ANKRD55: variants seen among roughly 807,000 people sequenced by gnomAD.
ANKRD55 encodes ankyrin repeat domain-containing protein 55.
Under a neutral mutation model 60.6 loss-of-function variants are expected in ANKRD55, and 41 were observed. The ratio of observed to expected loss-of-function variants is 0.68; its 90% CI spans 0.53 to 0.88. The LOEUF is 0.88. Ranked by LOEUF, ANKRD55 falls within the 40% of genes least tolerant of loss-of-function variation. ANKRD55 has a pLI of 0.00. For synonymous variants in ANKRD55, 264 were observed against 290.3 expected (o/e 0.91, Z 0.92); for missense variants, 732 against 767.6 (o/e 0.95, Z 0.55).
chr5:56,217,252 A>T (rs1759835163), intron 2 of ANKRD55, among the ~76,000 whole-genome samples: 1 of 152,244 alleles, frequency 6.6e-6, no homozygotes, highest in African/African-American at 2.4e-5. Context: ...GGTCAGAAAG[A>T]AAAGTTCCTT....
intron 2 of ANKRD55, among the ~76,000 whole-genome samples, chr5:56,184,995 C>T (rs1364945623): frequency 1.2e-4 from 18 of 151,382 alleles, no homozygotes; most frequent in African/African-American, 3.2e-4. Flanking sequence ...CCGAGGCGGG[C>T]GGATCACTTG....
At chr5:56,102,196 GGC>G (rs1756301783) in intron 11 of ANKRD55, among the ~76,000 whole-genome samples, 1 of 151,946 alleles carries the variant, frequency 6.6e-6, no homozygotes, top group South Asian at 2.1e-4. Flanking sequence ...AAACCAGCCT[GGC>G]CAACATGGCA....
At chr5:56,231,653 G>GCGCGCA (rs1267820315) in intron 2 of ANKRD55, among the ~76,000 whole-genome samples, 2 of 147,978 alleles carry the variant, frequency 1.4e-5, no homozygotes, top group African/African-American at 5.0e-5. Flanking sequence ...CTGAAGGCGC[G>GCGCGCA]CACACACACA....
intron 7 of ANKRD55, among the ~76,000 whole-genome samples, chr5:56,141,224 G>A (rs145763330): frequency 1.8e-4 from 26 of 145,984 alleles, no homozygotes; most frequent in African/African-American, 6.1e-4. Flanking sequence ...CTCCTGCCTC[G>A]GATTCCCAAA....
chr5:56,116,774 A>G lies in ANKRD55; in HGVS notation c.806T>C (p.Leu269Pro). ...CTTCCCTGCAGCTGCAGCCCAGTGC[A>G]GAGGTGTCCTGGAGGGGCCATGTGA... Reference protein sequence around the residue: ...QALDVDDRTPLHWAAAAGKAE... With the variant: ...QALDVDDRTPPHWAAAAGKAE... The change falls in exon 9 of 12, where the codon CTG becomes CCG. Residue 269 changes from leucine to proline, a missense_variant. Leu to Pro is a moderately conservative substitution (Grantham distance 98). Transcript: ENST00000341048. 1 of 1,609,178 alleles carries G rather than the reference A, an allele frequency of 6.2e-7. No individual in the cohort carries two copies. Among genetic ancestry groups the G allele is most frequent in the South Asian group, 1.1e-5 (1 of 90,510 alleles).
chr5:56,174,717 A>G (rs1221430793), intron 4 of ANKRD55, among the ~76,000 whole-genome samples: 1 of 151,998 alleles, frequency 6.6e-6, no homozygotes, highest in African/African-American at 2.4e-5. Flanking sequence ...CTGTAGTCCC[A>G]GCTACCTGGG....
At chr5:56,144,428 A>G (rs1757847897) in intron 6 of ANKRD55, among the ~76,000 whole-genome samples, 1 of 152,178 alleles carries the variant, frequency 6.6e-6, no homozygotes, top group African/African-American at 2.4e-5. Context: ...CCACCAGGGC[A>G]GGGGTGCTGT....
At chr5:56,173,344 T>C (rs1209028571) in intron 4 of ANKRD55, among the ~76,000 whole-genome samples, 3 of 151,828 alleles carry the variant, frequency 2.0e-5, no homozygotes, top group Non-Finnish European at 2.9e-5. Context: ...ACTACATGCA[T>C]GCGCCACCAC....
intron 2 of ANKRD55, among the ~76,000 whole-genome samples, chr5:56,216,829 T>C (rs1026214196): frequency 1.3e-5 from 2 of 152,220 alleles, no homozygotes; most frequent in African/African-American, 4.8e-5. Context: ...GCCATCTCTA[T>C]AACACAAAAA....
intron 5 of ANKRD55, among the ~76,000 whole-genome samples, chr5:56,168,580 A>T (rs115625760): frequency 1.3e-5 from 2 of 152,260 alleles, no homozygotes; most frequent in African/African-American, 4.8e-5. Context: ...TTGTACGCTA[A>T]ATTTTATAGG....
At chr5:56,136,906 G>A (rs1757617898) in intron 7 of ANKRD55, 2 of 401,156 alleles carry the variant, frequency 5.0e-6, no homozygotes, top group African/African-American at 4.1e-5. Context: ...GGATGAGACA[G>A]AGTGAATTCT....
chr5:56,142,100 G>A (rs996137891), intron 7 of ANKRD55, among the ~76,000 whole-genome samples: 2 of 152,092 alleles, frequency 1.3e-5, no homozygotes, highest in African/African-American at 2.4e-5. Flanking sequence ...GAGGCCGAGC[G>A]GGGCAGATCA....
chr5:56,225,758 A>T (rs1023585923), intron 2 of ANKRD55, among the ~76,000 whole-genome samples: 1 of 152,158 alleles, frequency 6.6e-6, no homozygotes, highest in Non-Finnish European at 1.5e-5. Flanking sequence ...AATAAAATAC[A>T]TAGGAAACCA....
chr5:56,164,585 C>T (rs762994933), intron 5 of ANKRD55, among the ~76,000 whole-genome samples: 11 of 152,336 alleles, frequency 7.2e-5, no homozygotes, highest in Admixed American at 1.3e-4. Flanking sequence ...CAGAGAGCCC[C>T]GTGGCTGCTT....
At chr5:56,173,560 CTCTCTCTCTCTCTCTCTCTCTCTA>C (rs1290870182) in intron 4 of ANKRD55, among the ~76,000 whole-genome samples, 34 of 106,160 alleles carry the variant, frequency 3.2e-4, no homozygotes, top group African/African-American at 1.2e-3. Context: ...CTCTCTCTCT[CTCTCTCTCTCTCTCTCTCTCTCTA>C]TATATATATA....
At chr5:56,162,052 C>G (rs1382807752) in intron 5 of ANKRD55, 2 of 985,310 alleles carry the variant, frequency 2.0e-6, no homozygotes, top group Non-Finnish European at 2.4e-6. Flanking sequence ...ATTGTTTACT[C>G]TCTAGGGCCC....
At chr5:56,107,875 T>C (rs879307766) in intron 10 of ANKRD55, among the ~76,000 whole-genome samples, 41 of 150,392 alleles carry the variant, frequency 2.7e-4, no homozygotes, top group Non-Finnish European at 2.7e-4. Context: ...CAATAAACTT[T>C]TTTTTTTTTT....
At chr5:56,232,275 G>C (rs1315065891) in intron 2 of ANKRD55, among the ~76,000 whole-genome samples, 1 of 152,122 alleles carries the variant, frequency 6.6e-6, no homozygotes, top group African/African-American at 2.4e-5. Context: ...GAAATTATAA[G>C]TAAGGAAGAT....
At chr5:56,173,536 A>G (rs1373809045) in intron 4 of ANKRD55, among the ~76,000 whole-genome samples, 1 of 126,400 alleles carries the variant, frequency 7.9e-6, no homozygotes, top group Non-Finnish European at 1.6e-5. Context: ...AAATGTAGAG[A>G]TTCGCCTCTC....
Sources: allele counts gnomAD v4.1 joint callset (sites outside exome capture counted in the v4.1 genomes callset), GRCh38; gene constraint gnomAD v4.1.1; transcripts MANE v1.5; gene names NCBI Gene and HGNC (gene_info 2026-07-23, HGNC 2026-07-21).